The following CARS1 variants were observed in gnomAD, a reference collection of about 807,000 sequenced individuals.
CARS1 encodes cysteine--tRNA ligase, cytoplasmic.
A neutral mutation model predicts 106.2 loss-of-function variants in CARS1; 48 were observed. The observed-to-expected ratio is 0.45, with a 90% CI of 0.36 to 0.57. The LOEUF (loss-of-function observed/expected upper bound fraction) is 0.57. CARS1 is among the 20% of genes least tolerant of loss of function. The pLI is 0.00. For missense variants in CARS1, 968 were observed against 1,057.2 expected (o/e 0.92, Z 1.17); for synonymous variants, 409 against 403.4 (o/e 1.01, Z -0.17).
chr11:3,029,518 G>T lies in CARS1; in HGVS notation c.802-75C>A. 6.6e-7 allele frequency: 1 copy of T among 1,505,790 alleles called. No homozygotes were observed. Among genetic ancestry groups the T allele is most frequent in the Non-Finnish European group, 9.0e-7 (1 of 1,105,176 alleles). 93.3% of individuals were successfully genotyped at this position (1,505,790 alleles called of 1,614,324 possible). ...AGAACATCTCGTGCAGCTGGTGTGA[G>T]CCCATCAGTGCCCTGAATTCAAAGG... On this transcript the variant is annotated intron_variant, in intron 7 of 22. Transcript: ENST00000380525. The surrounding 1 kb of genome is among the most constrained non-coding windows in gnomAD (Gnocchi z 5.9).
chr11:3,032,929 C>A (rs1301315954), intron 7 of CARS1, among the ~76,000 whole-genome samples: 1 of 151,556 alleles, frequency 6.6e-6, no homozygotes, highest in African/African-American at 2.4e-5. Context: ...AGCAGGTTCG[C>A]TGACTGTAAG....
intron 1 of CARS1, among the ~76,000 whole-genome samples, chr11:3,056,380 T>C (rs1170655666): frequency 1.3e-5 from 2 of 152,242 alleles, no homozygotes; most frequent in Non-Finnish European, 2.9e-5. Flanking sequence ...CTGGGCTTTC[T>C]GATTCAGTCT....
Position 3,044,312 on chromosome 11 carries a change from C to T in CARS1, c.275-2056G>A, listed in dbSNP as rs1363874074. On this transcript the variant is annotated intron_variant, in intron 2 of 22. Coordinates refer to ENST00000380525, the MANE Select transcript of CARS1 (RefSeq NM_001014437.3). This position sits in a 1 kb window ranked among gnomAD's most constrained non-coding sequence, Gnocchi z 4.4. Reference sequence around the variant, plus strand: ...CCCTAAGGCTGCTATCTCCACACAGCTGGCGATGGGCTCCCCAGGAAAACG... The same window carrying T: ...CCCTAAGGCTGCTATCTCCACACAGTTGGCGATGGGCTCCCCAGGAAAACG... Among the ~76,000 whole-genome samples the T allele has an allele frequency of 1.3e-5, 2 of 152,224 alleles. No individual in the cohort carries two copies. Among genetic ancestry groups the T allele is most frequent in the East Asian group, 1.9e-4 (1 of 5,202 alleles).
Position 3,041,345 on chromosome 11 carries a change from T to C in CARS1, c.367-361A>G, listed in dbSNP as rs959690296. 9 of 269,726 alleles carry C rather than the reference T, an allele frequency of 3.3e-5. No individual in the cohort carries two copies. Among genetic ancestry groups the C allele is most frequent in the African/African-American group, 1.6e-4 (7 of 44,124 alleles). The allele number at this position is 269,726 out of a possible 1,614,324, so 16.7% of individuals were successfully genotyped here. On this transcript the variant is annotated intron_variant, in intron 3 of 22. Transcript: ENST00000380525. This position sits in a 1 kb window ranked among gnomAD's most constrained non-coding sequence, Gnocchi z 4.9. ...ACCATGTGCCAGGCCCTGAGCTAAA[T>C]ATTCAATATGCAGTACACTCTAGGA...
intron 18 of CARS1, chr11:3,007,441 A>G (rs1231328633): frequency 6.3e-6 from 1 of 157,836 alleles, no homozygotes. Context: ...TGGTTCCCAA[A>G]TGCACACGGG....
intron 18 of CARS1, among the ~76,000 whole-genome samples, chr11:3,011,286 A>T (rs1850426185): frequency 6.6e-6 from 1 of 152,196 alleles, no homozygotes; most frequent in African/African-American, 2.4e-5. Context: ...TAAGTCTTAA[A>T]CCACACACAT....
rs1853350398 is a variant in CARS1 at position 3,034,608 on chromosome 11, C to A, written c.801+3442G>T. On this transcript the variant is annotated intron_variant, in intron 7 of 22. Transcript: ENST00000380525. The surrounding 1 kb of genome is among the most constrained non-coding windows in gnomAD (Gnocchi z 6.3). ...GCAACAGCACGATCTCGGCTCACTG[C>A]AACCTCTGACTCCCTGGTTCAAGGG... Among the ~76,000 whole-genome samples the A allele has an allele frequency of 1.3e-5, 2 of 152,178 alleles. No homozygotes were observed. The highest frequency in any genetic ancestry group is 2.9e-5 in the Non-Finnish European group (2 of 68,030).
rs373067431 is a variant in CARS1 at position 3,029,401 on chromosome 11, C to T, written c.844G>A (p.Asp282Asn). 96 of 1,613,964 alleles carry T rather than the reference C, an allele frequency of 5.9e-5. No individual in the cohort carries two copies. Among genetic ancestry groups the T allele is most frequent in the Non-Finnish European group, 7.3e-5 (86 of 1,180,016 alleles). ...GTGACATCACAGCCAAGTGTAGAAT[C>T]CAGCCAGTCAGAGAGCAAATCCTTG... ...EAKDLLSDWL[D>N]STLGCDVTDN... Residue 282 changes from aspartate (D) to asparagine (N), a missense_variant, in exon 8 of 23, where the codon GAT becomes AAT. Physicochemically the swap from Asp to Asn is conservative, Grantham distance 23. Coordinates refer to ENST00000380525, the MANE Select transcript of CARS1 (RefSeq NM_001014437.3). This position sits in a 1 kb window ranked among gnomAD's most constrained non-coding sequence, Gnocchi z 5.9.
rs1379479233 is a variant in CARS1 at position 3,039,568 on chromosome 11, G to A, written c.552+267C>T. 1.3e-5 allele frequency among the ~76,000 whole-genome samples: 2 copies of A among 152,200 alleles called. No homozygotes were observed. The highest frequency in any genetic ancestry group is 1.9e-4 in the East Asian group (1 of 5,194). On this transcript the variant is annotated intron_variant, in intron 5 of 22. Coordinates refer to ENST00000380525, the MANE Select transcript of CARS1 (RefSeq NM_001014437.3). The surrounding 1 kb of genome is among the most constrained non-coding windows in gnomAD (Gnocchi z 5.6). ...CCCTGCAAGCCACATGTCGAAGTGC[G>A]TGCTGTGGGAGGCCTTCCTTCTGCA...
In CARS1 at chr11:3,054,947, C is replaced by T. The variant is rs763794643; in HGVS notation, c.25+2396G>A. The T allele has an allele frequency of 1.1e-5, 8 of 702,490 alleles. No homozygotes were observed. The African/African-American group carries it at 1.2e-4, about 11-fold the overall frequency. 43.5% of individuals were successfully genotyped at this position (702,490 alleles called of 1,614,324 possible). ...GCCCTGAGGTAGGCTCCATCTACCC[C>T]AGAAACCTCAGAAATGAAACTCATC... is the stretch of plus-strand genomic sequence containing the variant. On this transcript the variant is annotated intron_variant, in intron 1 of 22. Coordinates refer to ENST00000380525, the MANE Select transcript of CARS1 (RefSeq NM_001014437.3).
intron 1 of CARS1, among the ~76,000 whole-genome samples, chr11:3,051,318 CTT>C (rs925780914): frequency 3.3e-5 from 5 of 152,248 alleles, no homozygotes; most frequent in African/African-American, 1.2e-4. Context: ...GCCGGGAGCT[CTT>C]GAGGGCCTCT....
Position 3,017,444 on chromosome 11 carries a change from A to C in CARS1, c.1728-149T>G. On this transcript the variant is annotated intron_variant, in intron 15 of 22. Coordinates refer to ENST00000380525, the MANE Select transcript of CARS1 (RefSeq NM_001014437.3). The surrounding 1 kb of genome is among the most constrained non-coding windows in gnomAD (Gnocchi z 4.9). The stretch of plus-strand genomic sequence containing the variant: ...GATCACCTGAGGTCGGGAGTTCGAG[A>C]CCAGCCTGACAAACATGGAGAGACC... 1.6e-6 allele frequency: 1 copy of C among 636,954 alleles called. No homozygotes were observed. The highest frequency in any genetic ancestry group is 2.7e-6 in the Non-Finnish European group (1 of 364,760). 39.5% of individuals were successfully genotyped at this position (636,954 alleles called of 1,614,324 possible). A position where few individuals can be genotyped will look rare whatever the true frequency, so the allele number is the denominator to read the frequency against.
intron 7 of CARS1, among the ~76,000 whole-genome samples, chr11:3,031,774 G>A (rs1852796410): frequency 6.6e-6 from 1 of 152,134 alleles, no homozygotes; most frequent in South Asian, 2.1e-4. Flanking sequence ...GACTGTAACA[G>A]AGATTGCTGC....
rs1467928770 is a variant in CARS1, at chr11:3,029,527, T to G, written c.802-84A>C. 6.8e-7 allele frequency: 1 copy of G among 1,478,356 alleles called. No homozygotes were observed. Among genetic ancestry groups the G allele is most frequent in the Non-Finnish European group, 9.2e-7 (1 of 1,084,686 alleles). The allele number at this position is 1,478,356 out of a possible 1,614,324, so 91.6% of individuals were successfully genotyped here. On this transcript the variant is annotated intron_variant, in intron 7 of 22. Transcript: ENST00000380525. The surrounding 1 kb of genome is among the most constrained non-coding windows in gnomAD (Gnocchi z 5.9). ...CGTGCAGCTGGTGTGAGCCCATCAG[T>G]GCCCTGAATTCAAAGGTGCTGACCT...
At chr11:3,049,087 T>C (rs1225723653) in intron 1 of CARS1, among the ~76,000 whole-genome samples, 1 of 144,314 alleles carries the variant, frequency 6.9e-6, no homozygotes, top group East Asian at 1.9e-4. Context: ...CCATTCTCCC[T>C]TTTTTATTTT....
At chr11:3,031,848 A>G (rs1246685704) in intron 7 of CARS1, among the ~76,000 whole-genome samples, 1 of 152,098 alleles carries the variant, frequency 6.6e-6, no homozygotes, top group East Asian at 1.9e-4. Context: ...GGGACCCCAT[A>G]CTTTTGTGAG....
intron 20 of CARS1, among the ~76,000 whole-genome samples, chr11:3,005,103 G>A (rs1195834416): frequency 4.2e-3 from 332 of 79,982 alleles, no homozygotes; most frequent in African/African-American, 0.016. Flanking sequence ...GTGAGACTCC[G>A]TCTCAAAAAA....
rs1365841606 is a variant in CARS1 at position 3,002,536 on chromosome 11, A to C, written c.2277+5T>G. 1 of 1,613,960 alleles carries C rather than the reference A, an allele frequency of 6.2e-7. No individual in the cohort carries two copies. Among genetic ancestry groups the C allele is most frequent in the East Asian group, 2.2e-5 (1 of 44,864 alleles). On this transcript the variant is annotated splice_donor_5th_base_variant and intron_variant, in intron 21 of 22. Transcript: ENST00000380525. ...GAGCCCTCACCCCCAAACAAAATGCATTACTTCTTGTTCCTGTTTCCTCCG... is the reference window on the plus strand; with the variant it reads ...GAGCCCTCACCCCCAAACAAAATGCCTTACTTCTTGTTCCTGTTTCCTCCG...
intron 14 of CARS1, 25 bp downstream of exon 14, chr11:3,018,383 C>T (rs1445670542): frequency 6.4e-7 from 1 of 1,554,340 alleles, no homozygotes; most frequent in East Asian, 2.2e-5. Context: ...CTCCACCAAC[C>T]TCCAGGAAGG....
Sources: allele counts gnomAD v4.1 joint callset (sites outside exome capture counted in the v4.1 genomes callset), GRCh38; gene constraint gnomAD v4.1.1; non-coding constraint Gnocchi (gnomAD v3.1); transcripts MANE v1.5; gene names NCBI Gene and HGNC (gene_info 2026-07-23, HGNC 2026-07-21).